The following RNF130 variants were observed in gnomAD, a reference collection of about 807,000 sequenced individuals.
RNF130 encodes the protein ring finger protein 130, also known as E3 ubiquitin-protein ligase RNF130.
In RNF130, 21 loss-of-function variants were observed where a neutral mutation model predicts 44.6. That is an observed-to-expected ratio of 0.47 (90% confidence interval 0.33 to 0.68). RNF130 has a LOEUF of 0.68. Among genes scored for constraint, RNF130 ranks in the 30% least tolerant of loss-of-function variants. The pLI is 0.02. For missense variants in RNF130, 479 were observed against 560.6 expected, an observed-to-expected ratio of 0.85 and a Z score of 1.47; for synonymous variants, 214 against 210.4, an observed-to-expected ratio of 1.02 and a Z score of -0.15.
At chr5:180,029,638 T>C (rs894465407) in intron 2 of RNF130, among the ~76,000 whole-genome samples, 18 of 152,206 alleles carry the variant, frequency 1.2e-4, no homozygotes, top group African/African-American at 4.3e-4. Context: ...TCCATTGCTT[T>C]TGTGAACAAT....
chr5:179,915,204 C>T (rs1761525216), exon 8 of RNF130: 3 of 151,396 alleles, frequency 2.0e-5, no homozygotes, highest in Admixed American at 2.0e-4. Flanking sequence ...TGGCATGCAT[C>T]TGTAAATCCA....
intron 2 of RNF130, among the ~76,000 whole-genome samples, chr5:180,024,262 A>G (rs1763940089): frequency 6.6e-6 from 1 of 152,226 alleles, no homozygotes; most frequent in Non-Finnish European, 1.5e-5. Context: ...AACTAGGTGA[A>G]AACTAAGGAA....
At chr5:179,995,099 T>G (rs1258128295) in intron 3 of RNF130, among the ~76,000 whole-genome samples, 2 of 152,046 alleles carry the variant, frequency 1.3e-5, no homozygotes, top group Non-Finnish European at 2.9e-5. Context: ...CCTGTAGAAA[T>G]GCCTAGGCAA....
Position 180,028,486 on chromosome 5 carries a change from G to A in RNF130, c.442+11967C>T, listed in dbSNP as rs542593415. Among the ~76,000 whole-genome samples the A allele has an allele frequency of 3.3e-5, 5 of 152,106 alleles. No homozygotes were observed. The South Asian group carries it at 6.2e-4, about 19-fold the overall frequency. ...CTGAGAGGATTTTCTCTTTCTGGTC[G>A]AATCCTAAGTAATCCTCATTATGCA... On this transcript the variant is annotated intron_variant, in intron 2 of 8. Transcript: ENST00000521389.
At chr5:180,028,573 C>T (rs981704107) in intron 2 of RNF130, among the ~76,000 whole-genome samples, 7 of 151,980 alleles carry the variant, frequency 4.6e-5, no homozygotes, top group African/African-American at 1.7e-4. Context: ...GAACCCCTTT[C>T]GTAATAACAC....
At chr5:180,000,900 T>C (rs767304443) in intron 3 of RNF130, among the ~76,000 whole-genome samples, 14 of 152,236 alleles carry the variant, frequency 9.2e-5, no homozygotes, top group Non-Finnish European at 2.1e-4. Context: ...AGTGTGTTAC[T>C]AGGGAATTAC....
At chr5:179,945,286 C>T (rs762321279) in intron 7 of RNF130, among the ~76,000 whole-genome samples, 3 of 152,084 alleles carry the variant, frequency 2.0e-5, no homozygotes, top group Non-Finnish European at 4.4e-5. Flanking sequence ...GCTGACTGCA[C>T]CTGGGAAAAC....
chr5:180,046,145 T>C (rs1764561177), intron 1 of RNF130, among the ~76,000 whole-genome samples: 2 of 152,174 alleles, frequency 1.3e-5, no homozygotes, highest in South Asian at 4.1e-4. Flanking sequence ...AGGCCCACAG[T>C]GCTGAGGGAC....
At position 180,068,669 on chromosome 5, in the gene RNF130, G is replaced by C. The variant is rs76181655; in HGVS notation, c.247+2787C>G. On this transcript the variant is annotated intron_variant, in intron 1 of 8. Coordinates refer to ENST00000521389, the MANE Select transcript of RNF130 (RefSeq NM_018434.6). ...CAAACTGATAGTAGCACTGCAAAGC[G>C]AACAGGAAGGTTTCTAGTTTCATAA... 8.5e-3 allele frequency among the ~76,000 whole-genome samples: 1,297 copies of C among 152,308 alleles called. 21 individuals are homozygous for C. Among genetic ancestry groups the C allele is most frequent in the African/African-American group, 0.03 (1,249 of 41,560 alleles).
At chr5:180,045,726 C>A (rs1053618823) in intron 1 of RNF130, among the ~76,000 whole-genome samples, 5 of 152,012 alleles carry the variant, frequency 3.3e-5, no homozygotes, top group Admixed American at 1.3e-4. Flanking sequence ...ACACAGAGTG[C>A]CAATTGGTGC....
At chr5:179,985,153 C>CTTTTTTTTT (rs34998254) in intron 3 of RNF130, among the ~76,000 whole-genome samples, 1 of 91,968 alleles carries the variant, frequency 1.1e-5, no homozygotes, top group Non-Finnish European at 2.0e-5. Context: ...TACCCCCTAA[C>CTTTTTTTTT]TTTTTTTTTT....
intron 3 of RNF130, among the ~76,000 whole-genome samples, chr5:179,991,453 G>A (rs1379347442): frequency 1.3e-5 from 2 of 152,156 alleles, no homozygotes; most frequent in Non-Finnish European, 2.9e-5. Context: ...ACTCCTTGCT[G>A]TTTTCTTCTT....
rs1209074203 is a variant in RNF130, at chr5:180,047,534, C to T, written c.248-6887G>A. On this transcript the variant is annotated intron_variant, in intron 1 of 8. Coordinates refer to ENST00000521389, the MANE Select transcript of RNF130 (RefSeq NM_018434.6). ...CCAAGGCAGGCAGATCACCTGAGGT[C>T]GGGAGTTCAAGACCAGCCTGACCAA... 4.6e-5 allele frequency among the ~76,000 whole-genome samples: 7 copies of T among 152,108 alleles called. No individual in the cohort carries two copies. The South Asian group carries it at 8.3e-4, about 18-fold the overall frequency.
chr5:179,992,852 C>T (rs1763117246), intron 3 of RNF130, among the ~76,000 whole-genome samples: 1 of 152,148 alleles, frequency 6.6e-6, no homozygotes, highest in Admixed American at 6.5e-5. Flanking sequence ...TTAGGTATAT[C>T]TCCTAATGCT....
intron 3 of RNF130, among the ~76,000 whole-genome samples, chr5:179,986,251 A>G (rs1561681291): frequency 6.6e-6 from 1 of 152,310 alleles, no homozygotes; most frequent in East Asian, 1.9e-4. Flanking sequence ...CTGTCCTTTT[A>G]TGTGTTTTAC....
rs910056567 is a variant in RNF130 at position 179,923,847 on chromosome 5, T to C, written c.1151-3421A>G. 1.7e-4 allele frequency among the ~76,000 whole-genome samples: 26 copies of C among 152,338 alleles called. 1 individual carries two copies. The highest frequency in any genetic ancestry group is 6.0e-4 in the African/African-American group (25 of 41,576). On this transcript the variant is annotated intron_variant, in intron 7 of 7. Transcript: ENST00000522208. ...TCTTTTAACAACACTAACACCATATTGTCTTGATTACTGTAGCTTTACAGG... is the reference window on the plus strand; with the variant it reads ...TCTTTTAACAACACTAACACCATATCGTCTTGATTACTGTAGCTTTACAGG...
At chr5:180,018,020 G>A (rs1166861283) in intron 2 of RNF130, among the ~76,000 whole-genome samples, 1 of 152,182 alleles carries the variant, frequency 6.6e-6, no homozygotes, top group Non-Finnish European at 1.5e-5. Flanking sequence ...TTCAGGCTGG[G>A]CGTGGTGGTT....
chr5:179,951,489 T>C (rs1447670778), downstream of RNF130, among the ~76,000 whole-genome samples: 1 of 151,858 alleles, frequency 6.6e-6, no homozygotes, highest in Non-Finnish European at 1.5e-5. Flanking sequence ...GTTCACGCCA[T>C]TCTCCTGCCT....
rs903050020 is a variant in RNF130, at chr5:179,942,881, T to C, written c.1151-22455A>G. On this transcript the variant is annotated intron_variant, in intron 7 of 7. Coordinates refer to the RNF130 transcript ENST00000522208. Reference sequence around the variant, plus strand: ...GTGGATATAAGATAGGGCTTTTTGTTTGACAGAAGAGCCTCAAAAATGTCT... The same window carrying C: ...GTGGATATAAGATAGGGCTTTTTGTCTGACAGAAGAGCCTCAAAAATGTCT... 2.6e-5 allele frequency among the ~76,000 whole-genome samples: 4 copies of C among 152,208 alleles called. No homozygotes were observed. In the East Asian group the frequency reaches 7.7e-4, roughly 29 times the overall value.
Sources: allele counts gnomAD v4.1 joint callset (sites outside exome capture counted in the v4.1 genomes callset), GRCh38; gene constraint gnomAD v4.1.1; transcripts MANE v1.5; gene names NCBI Gene and HGNC (gene_info 2026-07-23, HGNC 2026-07-21).